The following MYOF variants were observed in gnomAD, a reference collection of about 807,000 sequenced individuals.
MYOF encodes the protein myoferlin, also known as fer-1-like 3, myoferlin.
Under a neutral mutation model 284.2 loss-of-function variants are expected in MYOF, and 244 were observed. The observed-to-expected ratio is 0.86, with a 90% CI of 0.77 to 0.95. The LOEUF is 0.95. Ranked by LOEUF, MYOF falls within the 40% of genes least tolerant of loss-of-function variation. The pLI is 0.00. For synonymous variants in MYOF, 904 were observed against 919.7 expected, an observed-to-expected ratio of 0.98 and a Z score of 0.31; for missense variants, 2,496 against 2,560.6, an observed-to-expected ratio of 0.97 and a Z score of 0.54.
Position 93,329,828 on chromosome 10 carries a change from G to A in MYOF, c.4818C>T (p.Tyr1606=), listed in dbSNP as rs552493323. The A allele has an allele frequency of 8.4e-5, 135 of 1,613,988 alleles. No individual in the cohort carries two copies. Among genetic ancestry groups the A allele is most frequent in the Non-Finnish European group, 1.0e-4 (123 of 1,179,968 alleles). Residue 1606 remains tyrosine, a synonymous_variant, in exon 44 of 54, where the codon TAC becomes TAT. Coordinates refer to ENST00000359263, the MANE Select transcript of MYOF (RefSeq NM_013451.4). ...CTTGAGGTAAGTAGCAGCTCAGTTC[G>A]TACATCCTAAATAAACAAATGCAAG... ...NTLNPVFGRM[Y]ELSCYLPQEK...
intron 3 of MYOF, among the ~76,000 whole-genome samples, chr10:93,442,356 G>A (rs900072743): frequency 6.6e-6 from 1 of 152,108 alleles, no homozygotes; most frequent in Non-Finnish European, 1.5e-5. Flanking sequence ...TATCAAATTT[G>A]CCCTATATCT....
At chr10:93,377,530 A>G (rs1845891147) in intron 21 of MYOF, 101 bp from the exon 22 acceptor site, 1 of 864,204 alleles carries the variant, frequency 1.2e-6, no homozygotes, top group Non-Finnish European at 1.8e-6. Context: ...ATATTTTTGT[A>G]TATTCAAAAA....
intron 1 of MYOF, among the ~76,000 whole-genome samples, chr10:93,480,218 A>G (rs1320424667): frequency 1.3e-5 from 2 of 152,142 alleles, no homozygotes; most frequent in Non-Finnish European, 2.9e-5. Flanking sequence ...AGTCCATGAT[A>G]TTCACTAGCC....
At chr10:93,452,677 A>G (rs1564730843) in intron 2 of MYOF, among the ~76,000 whole-genome samples, 1 of 152,098 alleles carries the variant, frequency 6.6e-6, no homozygotes, top group African/African-American at 2.4e-5. Context: ...CACTTTGTGC[A>G]CATGTACCCT....
In MYOF at chr10:93,329,722, C is replaced by G; in HGVS notation, c.4924G>C (p.Glu1642Gln). The change falls in exon 44 of 54, where the codon GAA (glutamate) becomes CAA (glutamine). Residue 1642 changes from glutamate to glutamine, a missense_variant. By Grantham distance (29) the Glu-to-Gln change is conservative. This residue lies in a region of MYOF where 2,436 missense variants were observed against 2,480.7 expected (regional missense o/e 0.98). Coordinates refer to ENST00000359263, the MANE Select transcript of MYOF (RefSeq NM_013451.4). ...CCAAAGCGGGAAAGGAATCGGTTTT[C>G]CAGATCAATAATTGTTTCTCCTACT... ...EKVGETIIDL[E>Q]NRFLSRFGSH... 5 of 1,614,188 alleles carry G rather than the reference C, an allele frequency of 3.1e-6. 1 individual carries two copies. In the South Asian group the frequency reaches 4.4e-5, roughly 14 times the overall value.
chr10:93,452,579 T>G (rs570399119), intron 2 of MYOF, among the ~76,000 whole-genome samples: 1 of 136,946 alleles, frequency 7.3e-6, no homozygotes, highest in African/African-American at 2.7e-5. Context: ...GGGGGAGGGA[T>G]AGCATTAGGA....
At chr10:93,437,428 G>C (rs1333314911) in intron 3 of MYOF, among the ~76,000 whole-genome samples, 1 of 152,134 alleles carries the variant, frequency 6.6e-6, no homozygotes, top group Non-Finnish European at 1.5e-5. Flanking sequence ...GGGAGCTCAC[G>C]TATACGAAGT....
intron 51 of MYOF, 56 bp downstream of exon 51, chr10:93,312,964 A>C (rs1842458199): frequency 6.6e-7 from 1 of 1,526,010 alleles, no homozygotes; most frequent in African/African-American, 1.4e-5. Context: ...AAAGGGCAAA[A>C]CCTAAATGAT....
intron 51 of MYOF, among the ~76,000 whole-genome samples, chr10:93,312,737 TGAA>T (rs936921756): frequency 5.3e-5 from 8 of 152,160 alleles, no homozygotes; most frequent in African/African-American, 9.7e-5. Context: ...ACTTCCCTGA[TGAA>T]GAAGAAAGGA....
intron 19 of MYOF, among the ~76,000 whole-genome samples, chr10:93,381,934 G>T (rs1345266540): frequency 6.6e-6 from 1 of 152,136 alleles, no homozygotes; most frequent in East Asian, 1.9e-4. Flanking sequence ...CTACTCGGGA[G>T]GCTGAGGCAC....
Position 93,377,435 on chromosome 10 carries a change from G to T in MYOF, c.2002-6C>A. ...AGAGCTTCTATATTTGTTTGCTGAAGAATTTGAAAAGAGAGGAAATAATTG... is the reference window on the plus strand; with the variant it reads ...AGAGCTTCTATATTTGTTTGCTGAATAATTTGAAAAGAGAGGAAATAATTG... On this transcript the variant is annotated splice_polypyrimidine_tract_variant and splice_region_variant and intron_variant, in intron 21 of 53. Coordinates refer to ENST00000359263, the MANE Select transcript of MYOF (RefSeq NM_013451.4). 3 of 1,595,426 alleles carry T rather than the reference G, an allele frequency of 1.9e-6. No homozygotes were observed. The highest frequency in any genetic ancestry group is 2.6e-6 in the Non-Finnish European group (3 of 1,163,360).
chr10:93,369,762 T>C lies in MYOF; in HGVS notation c.2472A>G (p.Lys824=), dbSNP rs747993694. ...QTIFLKYPQE[K]NNGPKVPVEL... Reference sequence around the variant, plus strand: ...CCACAGGCACCTTTGGCCCGTTGTTTTTCTCCTGTGGATACTGTGAGATGA... The same window carrying C: ...CCACAGGCACCTTTGGCCCGTTGTTCTTCTCCTGTGGATACTGTGAGATGA... Residue 824 remains lysine, a synonymous_variant, in exon 25 of 54, where the codon AAA becomes AAG. Transcript: ENST00000359263. 1.2e-6 allele frequency: 2 copies of C among 1,614,208 alleles called. No individual in the cohort carries two copies. Among genetic ancestry groups the C allele is most frequent in the Middle Eastern group, 1.6e-4 (1 of 6,062 alleles).
chr10:93,392,869 A>G (rs776067521), intron 17 of MYOF, 48 bp downstream of exon 17: 21 of 1,522,238 alleles, frequency 1.4e-5, no homozygotes, highest in Admixed American at 8.6e-5. Context: ...TAATAAGATA[A>G]TATTAGCTAG....
chr10:93,357,732 T>C (rs1159393192), intron 29 of MYOF, among the ~76,000 whole-genome samples: 1 of 152,188 alleles, frequency 6.6e-6, no homozygotes, highest in Non-Finnish European at 1.5e-5. Context: ...GTAACATAAA[T>C]AGTAGCAGTG....
chr10:93,409,884 C>T (rs1847827695), intron 5 of MYOF, 145 bp from the exon 6 acceptor site: 10 of 986,848 alleles, frequency 1.0e-5, no homozygotes, highest in Middle Eastern at 2.1e-4. Flanking sequence ...CTTGGTGACA[C>T]TGACTTGGGA....
chr10:93,398,292 A>G (rs924485286), intron 13 of MYOF, among the ~76,000 whole-genome samples: 8 of 152,044 alleles, frequency 5.3e-5, no homozygotes, highest in Admixed American at 3.9e-4. Flanking sequence ...CCTCTGCTCA[A>G]CTGTCACTTT....
intron 3 of MYOF, among the ~76,000 whole-genome samples, chr10:93,450,117 G>A (rs900315529): frequency 6.6e-6 from 1 of 152,052 alleles, no homozygotes; most frequent in Admixed American, 6.6e-5. Flanking sequence ...AAATAGGCCG[G>A]GTGCAGTAGC....
chr10:93,343,200 T>C (rs1304294158), intron 38 of MYOF, among the ~76,000 whole-genome samples: 1 of 152,200 alleles, frequency 6.6e-6, no homozygotes, highest in Non-Finnish European at 1.5e-5. Context: ...TCCTTTTTTC[T>C]GGGCTGAGGC....
chr10:93,454,604 C>T (rs561736998), intron 2 of MYOF, among the ~76,000 whole-genome samples: 5 of 152,308 alleles, frequency 3.3e-5, no homozygotes, highest in Non-Finnish European at 5.9e-5. Context: ...GTCCAGCTGG[C>T]TGTGTTCTGG....
Sources: gnomAD v4.1 joint callset for allele counts (sites outside exome capture counted in the v4.1 genomes callset) on GRCh38, gnomAD v4.1.1 for gene constraint, gnomAD v4.1.1 regional missense constraint, MANE v1.5 for transcripts, NCBI Gene and HGNC (gene_info 2026-07-23, HGNC 2026-07-21) for gene names.